Variants in LRFN1 observed in about 807,000 individuals in gnomAD.
LRFN1 encodes leucine-rich repeat and fibronectin type III domain-containing protein 1.
LRFN1 carries 20 observed loss-of-function variants against 31.8 expected under a neutral mutation model. The observed-to-expected ratio is 0.63, with a 90% CI of 0.44 to 0.91. The LOEUF is 0.91. Ranked by LOEUF, LRFN1 falls within the 40% of genes least tolerant of loss-of-function variation. The pLI, the probability that LRFN1 is intolerant of heterozygous loss-of-function variation, is 0.00. For synonymous variants in LRFN1, 514 were observed against 541.3 expected, an observed-to-expected ratio of 0.95 and a Z score of 0.70; for missense variants, 912 against 1,129.8, an observed-to-expected ratio of 0.81 and a Z score of 2.76.
chr19:39,311,189 A>T (rs1322389426), intron 4 of LRFN1, among the ~76,000 whole-genome samples: 1 of 152,224 alleles, frequency 6.6e-6, no homozygotes, highest in Non-Finnish European at 1.5e-5. Flanking sequence ...GCAGCTAAGC[A>T]GGCTTCTGGT....
intron 2 of LRFN1, among the ~76,000 whole-genome samples, chr19:39,316,997 A>G (rs1048280955): frequency 6.6e-5 from 10 of 152,164 alleles, no homozygotes; most frequent in African/African-American, 2.4e-4. Context: ...GGCCTGGGAC[A>G]GAGACCAGGA....
rs201713211 is a variant in LRFN1 at position 39,307,728 on chromosome 19, C to T, written c.2221G>A (p.Gly741Ser). 1.8e-3 allele frequency: 2,671 copies of T among 1,490,220 alleles called. 29 individuals are homozygous for T. The highest frequency in any genetic ancestry group is 8.5e-4 in the Non-Finnish European group (959 of 1,133,942). 92.3% of individuals were successfully genotyped at this position (1,490,220 alleles called of 1,614,324 possible). The change falls in exon 5 of 5, where the codon GGC (glycine) becomes AGC (serine). Residue 741 changes from glycine (G) to serine (S), a missense_variant. Transcript: ENST00000248668. The surrounding 1 kb of genome is among the most constrained non-coding windows in gnomAD (Gnocchi z 6.7). Reference protein sequence around the residue: ...STPHLDGAGGGAAGEDGDLGL... With the variant: ...STPHLDGAGGSAAGEDGDLGL... Reference sequence around the variant, plus strand: ...AGGTCTCCATCCTCCCCGGCCGCGCCCCCTCCAGCCCCGTCCAGGTGCGGC... The same window carrying T: ...AGGTCTCCATCCTCCCCGGCCGCGCTCCCTCCAGCCCCGTCCAGGTGCGGC...
intron 4 of LRFN1, among the ~76,000 whole-genome samples, chr19:39,313,091 C>A (rs1042199499): frequency 1.3e-5 from 2 of 152,176 alleles, no homozygotes; most frequent in African/African-American, 4.8e-5. Flanking sequence ...TCTGTTGACA[C>A]CGTATGGTCT....
chr19:39,320,305 G>GACAC (rs35232910), intron 1 of LRFN1, among the ~76,000 whole-genome samples: 4,079 of 134,670 alleles, frequency 0.03, 74 homozygotes, highest in South Asian at 0.067. Context: ...ACAACCCGCA[G>GACAC]ACACACACAC....
In LRFN1 at chr19:39,308,202, A is replaced by C; in HGVS notation, c.1747T>G (p.Cys583Gly). The C allele has an allele frequency of 6.2e-7, 1 of 1,604,286 alleles. No homozygotes were observed. Among genetic ancestry groups the C allele is most frequent in the Middle Eastern group, 1.7e-4 (1 of 6,020 alleles). ...GTGCCTGCGCCGTTGGTCTGCGAGCACACGTGGCTGACCCGCGGGAGCGAC... is the reference window on the plus strand; with the variant it reads ...GTGCCTGCGCCGTTGGTCTGCGAGCCCACGTGGCTGACCCGCGGGAGCGAC... ...SRSLPRVSHV[C>G]SQTNGAGTGA... Residue 583 changes from cysteine (C) to glycine (G), a missense_variant, in exon 5 of 5, where the codon TGC (cysteine) becomes GGC (glycine). Physicochemically the swap from Cys to Gly is radical, Grantham distance 159. Transcript: ENST00000248668. The surrounding 1 kb of genome is among the most constrained non-coding windows in gnomAD (Gnocchi z 6.2).
At chr19:39,320,218 C>A (rs1600487043) in intron 1 of LRFN1, among the ~76,000 whole-genome samples, 1 of 151,536 alleles carries the variant, frequency 6.6e-6, no homozygotes, top group South Asian at 2.1e-4. Context: ...AAATCCACAC[C>A]GAGGCCTGGG....
rs2075131283 is a variant in LRFN1 at position 39,307,098 on chromosome 19, G to C, written c.*535C>G. ...CTACAGAGAGACGACAAGAGGGCGG[G>C]ATAGAGACAAACGAGGGAAACAGAG... On this transcript the variant is annotated 3_prime_UTR_variant, in exon 5 of 5. Coordinates refer to ENST00000248668, the MANE Select transcript of LRFN1 (RefSeq NM_020862.2). The surrounding 1 kb of genome is among the most constrained non-coding windows in gnomAD (Gnocchi z 6.7). The C allele has an allele frequency of 2.5e-6, 1 of 394,710 alleles. No homozygotes were observed. 24.5% of individuals were successfully genotyped at this position (394,710 alleles called of 1,614,324 possible).
chr19:39,309,314 C>T (rs1001678622), intron 4 of LRFN1, among the ~76,000 whole-genome samples: 1 of 151,700 alleles, frequency 6.6e-6, no homozygotes, highest in Non-Finnish European at 1.5e-5. Flanking sequence ...ATTAGCCAGG[C>T]GTGGTGGCAG....
chr19:39,315,364 G>C lies in LRFN1; in HGVS notation c.-28C>G. 7.0e-7 allele frequency: 1 copy of C among 1,435,410 alleles called. No homozygotes were observed. The highest frequency in any genetic ancestry group is 9.1e-7 in the Non-Finnish European group (1 of 1,097,410). 88.9% of individuals were successfully genotyped at this position (1,435,410 alleles called of 1,614,324 possible). A position where few individuals can be genotyped will look rare whatever the true frequency, so the allele number is the denominator to read the frequency against. ...TGCAGTGGGAAGGCAGGAGGGGTGG[G>C]AGGTGAGACCTGCCGGGGAAGGAGC... On this transcript the variant is annotated 5_prime_UTR_variant, in exon 4 of 5. Transcript: ENST00000248668. The surrounding 1 kb of genome is among the most constrained non-coding windows in gnomAD (Gnocchi z 4.7).
intron 4 of LRFN1, among the ~76,000 whole-genome samples, chr19:39,309,899 G>GT (rs1209678293): frequency 2.0e-5 from 3 of 152,212 alleles, no homozygotes; most frequent in African/African-American, 7.2e-5. Flanking sequence ...GATTGCCCGG[G>GT]TTTGAGTCTC....
intron 4 of LRFN1, among the ~76,000 whole-genome samples, chr19:39,313,049 C>T (rs534678655): frequency 5.3e-5 from 8 of 152,088 alleles, no homozygotes; most frequent in East Asian, 1.9e-4. Flanking sequence ...AATAAGGAGG[C>T]GATGGGAGAA....
intron 1 of LRFN1, among the ~76,000 whole-genome samples, chr19:39,319,756 C>A (rs1413911170): frequency 1.3e-5 from 2 of 152,138 alleles, no homozygotes; most frequent in African/African-American, 2.4e-5. Context: ...AACATCCCTG[C>A]AGCACATTCA....
intron 4 of LRFN1, 142 bp downstream of exon 4, chr19:39,313,789 G>A: frequency 1.4e-6 from 1 of 728,064 alleles, no homozygotes; most frequent in East Asian, 2.7e-5. Context: ...AGAGAGAGGA[G>A]ACAGGGCAAA....
In LRFN1 at chr19:39,308,380, G is replaced by A. The variant is rs1178302795; in HGVS notation, c.1569C>T (p.Pro523=). Residue 523 remains proline, a synonymous_variant, in exon 5 of 5, where the codon CCC becomes CCT. Transcript: ENST00000248668. The surrounding 1 kb of genome is among the most constrained non-coding windows in gnomAD (Gnocchi z 6.2). ...VQFTTAGDPA[P]CRPLRAHFLG... Reference sequence around the variant, plus strand: ...AGAAATGGGCCCTCAGCGGGCGGCAGGGCGCCGGATCCCCAGCGGTGGTGA... The same window carrying A: ...AGAAATGGGCCCTCAGCGGGCGGCAAGGCGCCGGATCCCCAGCGGTGGTGA... The A allele has an allele frequency of 1.2e-6, 2 of 1,611,936 alleles. No individual in the cohort carries two copies. Among genetic ancestry groups the A allele is most frequent in the South Asian group, 1.1e-5 (1 of 90,962 alleles).
In LRFN1 at chr19:39,314,767, G is replaced by A. The variant is rs747005266; in HGVS notation, c.570C>T (p.Thr190=). Residue 190 remains threonine, a synonymous_variant, in exon 4 of 5, where the codon ACC becomes ACT. Transcript: ENST00000248668. ...EAVGQMVNLN[T]LTLDHNLIDH... is the part of the protein sequence containing the mutation. ...CGATGAGGTTGTGGTCCAGCGTGAG[G>A]GTGTTTAGGTTCACCATCTGGCCCA... The A allele has an allele frequency of 4.6e-5, 75 of 1,613,166 alleles. No homozygotes were observed. Among genetic ancestry groups the A allele is most frequent in the South Asian group, 4.2e-4 (38 of 90,928 alleles).
Position 39,308,641 on chromosome 19 carries a change from C to G in LRFN1, c.1407-99G>C. The G allele has an allele frequency of 9.2e-7, 1 of 1,089,410 alleles. No individual in the cohort carries two copies. Among genetic ancestry groups the G allele is most frequent in the Non-Finnish European group, 1.3e-6 (1 of 782,408 alleles). 67.5% of individuals were successfully genotyped at this position (1,089,410 alleles called of 1,614,324 possible). A position where few individuals can be genotyped will look rare whatever the true frequency, so the allele number is the denominator to read the frequency against. ...GGTGAACAGTGGGGACTAAACCCTG[C>G]TATCGAAGTCTCAGCCGCTACTGAG... is the stretch of plus-strand genomic sequence containing the variant. On this transcript the variant is annotated intron_variant, in intron 4 of 4. Coordinates refer to ENST00000248668, the MANE Select transcript of LRFN1 (RefSeq NM_020862.2). The surrounding 1 kb of genome is among the most constrained non-coding windows in gnomAD (Gnocchi z 6.2).
At position 39,314,506 on chromosome 19, in the gene LRFN1, C is replaced by A. The variant is rs761845250; in HGVS notation, c.831G>T (p.Thr277=). The change falls in exon 4 of 5, where the codon ACG becomes ACT. Residue 277 remains threonine (T), a synonymous_variant. Coordinates refer to ENST00000248668, the MANE Select transcript of LRFN1 (RefSeq NM_020862.2). ...TREDDLETCA[T]PEHLTDRYFW... is the part of the protein sequence containing the mutation. ...AGTAGCGGTCGGTGAGGTGTTCGGG[C>A]GTGGCGCAGGTCTCTAAGTCGTCCT... 29 of 1,610,152 alleles carry A rather than the reference C, an allele frequency of 1.8e-5. No homozygotes were observed. Among genetic ancestry groups the A allele is most frequent in the Middle Eastern group, 1.6e-4 (1 of 6,076 alleles).
intron 1 of LRFN1, among the ~76,000 whole-genome samples, chr19:39,320,139 G>T (rs866431589): frequency 1.8e-4 from 26 of 144,972 alleles, no homozygotes; most frequent in Non-Finnish European, 2.6e-4. Flanking sequence ...AGACATGGCC[G>T]CTTCCCCCAG....
At chr19:39,313,789 G>T in intron 4 of LRFN1, 142 bp downstream of exon 4, 1 of 728,064 alleles carries the variant, frequency 1.4e-6, no homozygotes, top group Non-Finnish European at 2.2e-6. Context: ...AGAGAGAGGA[G>T]ACAGGGCAAA....
Sources: allele counts gnomAD v4.1 joint callset (sites outside exome capture counted in the v4.1 genomes callset), GRCh38; gene constraint gnomAD v4.1.1; non-coding constraint Gnocchi (gnomAD v3.1); transcripts MANE v1.5; gene names NCBI Gene and HGNC (gene_info 2026-07-23, HGNC 2026-07-21).